SAMD5: variants seen among roughly 807,000 people sequenced by gnomAD.
The protein encoded by SAMD5 is sterile alpha motif domain containing 5, also known as sterile alpha motif domain-containing protein 5.
Under a neutral mutation model 11.3 loss-of-function variants are expected in SAMD5, and 13 were observed. The observed-to-expected ratio is 1.15, with a 90% CI of 0.75 to 1.83. SAMD5 has a LOEUF of 1.83. Ranked by LOEUF, SAMD5 falls within the 40% of genes most tolerant of loss-of-function variation. The probability of loss-of-function intolerance (pLI) is 0.00; values close to 1 mark genes in which losing one functional copy is unlikely to be tolerated. For missense variants in SAMD5, 255 were observed against 239.1 expected, an observed-to-expected ratio of 1.07 and a Z score of -0.44; for synonymous variants, 129 against 111.3, an observed-to-expected ratio of 1.16 and a Z score of -1.00.
intron 1 of SAMD5, among the ~76,000 whole-genome samples, chr6:147,651,429 C>T (rs1222962238): frequency 6.6e-6 from 1 of 152,162 alleles, no homozygotes; most frequent in African/African-American, 2.4e-5. Context: ...CTTCCAAATT[C>T]ATATGTTGAA....
chr6:147,793,167 T>C, the SAMD5 span, among the ~76,000 whole-genome samples: 1 of 152,140 alleles, frequency 6.6e-6, no homozygotes, highest in Admixed American at 6.6e-5. Context: ...CAACAAGTCA[T>C]GTTGCCAGCA....
chr6:147,739,991 TGTATTTTTA>T (rs1489458060), downstream of SAMD5, among the ~76,000 whole-genome samples: 1 of 151,714 alleles, frequency 6.6e-6, no homozygotes, highest in Non-Finnish European at 1.5e-5. Context: ...GGCCAATTTT[TGTATTTTTA>T]GTAGAGACAG....
intron 1 of SAMD5, among the ~76,000 whole-genome samples, chr6:147,545,705 T>C (rs1030517711): frequency 1.4e-4 from 21 of 152,180 alleles, no homozygotes; most frequent in African/African-American, 4.8e-4. Context: ...TATACTCAGG[T>C]GCACACAAGT....
chr6:147,609,895 C>G (rs372489717), intron 1 of SAMD5, among the ~76,000 whole-genome samples: 1 of 152,132 alleles, frequency 6.6e-6, no homozygotes, highest in East Asian at 1.9e-4. Context: ...AAATACTTGT[C>G]CTATGTAAGC....
the SAMD5 span, among the ~76,000 whole-genome samples, chr6:147,897,157 C>T: frequency 1.7e-3 from 258 of 152,162 alleles, no homozygotes; most frequent in African/African-American, 5.8e-3. Flanking sequence ...GTGAAGTTTA[C>T]GATATGTGAA....
chr6:147,858,602 A>C, the SAMD5 span, among the ~76,000 whole-genome samples: 1 of 152,344 alleles, frequency 6.6e-6, no homozygotes, highest in African/African-American at 2.4e-5. Context: ...TATAATGTAC[A>C]GTTGATGATA....
chr6:147,635,025 G>A (rs985651138), intron 1 of SAMD5, among the ~76,000 whole-genome samples: 2 of 152,240 alleles, frequency 1.3e-5, no homozygotes, highest in Non-Finnish European at 2.9e-5. Flanking sequence ...AACACAGGCA[G>A]TTTGAGTAAG....
intron 1 of SAMD5, among the ~76,000 whole-genome samples, chr6:147,516,434 C>T (rs1788171679): frequency 6.6e-6 from 1 of 152,140 alleles, no homozygotes; most frequent in Non-Finnish European, 1.5e-5. Flanking sequence ...TCACTGTTGG[C>T]TCTTCTGTGA....
intron 1 of SAMD5, among the ~76,000 whole-genome samples, chr6:147,625,630 C>T (rs1212507854): frequency 6.6e-6 from 1 of 152,188 alleles, no homozygotes; most frequent in Non-Finnish European, 1.5e-5. Flanking sequence ...GCCTTATCCC[C>T]AGTCAGCAAA....
At chr6:147,620,440 C>T (rs1314590904) in intron 1 of SAMD5, among the ~76,000 whole-genome samples, 1 of 152,178 alleles carries the variant, frequency 6.6e-6, no homozygotes, top group Non-Finnish European at 1.5e-5. Flanking sequence ...ATGCCTGTAA[C>T]CTGTATTTAT....
the SAMD5 span, among the ~76,000 whole-genome samples, chr6:147,874,946 C>G: frequency 6.6e-6 from 1 of 152,084 alleles, no homozygotes; most frequent in Non-Finnish European, 1.5e-5. Flanking sequence ...CACATGACTT[C>G]ACTCAGAGAA....
intron 1 of SAMD5, among the ~76,000 whole-genome samples, chr6:147,675,627 C>T (rs184591526): frequency 3.5e-4 from 53 of 152,118 alleles, no homozygotes; most frequent in African/African-American, 1.0e-3. Flanking sequence ...TTAATTGAAA[C>T]GTATACATGG....
At chr6:147,806,318 G>GCC in the SAMD5 span, among the ~76,000 whole-genome samples, 99 of 68,126 alleles carry the variant, frequency 1.5e-3, no homozygotes, top group African/African-American at 4.4e-3. Flanking sequence ...GCGCGCGCGC[G>GCC]CACACACACA....
At chr6:147,910,421 C>T in the SAMD5 span, among the ~76,000 whole-genome samples, 1 of 152,184 alleles carries the variant, frequency 6.6e-6, no homozygotes, top group Non-Finnish European at 1.5e-5. Flanking sequence ...CTGCTGCCAC[C>T]TGCTACTCTC....
the SAMD5 span, among the ~76,000 whole-genome samples, chr6:147,791,572 T>C: frequency 6.6e-6 from 1 of 152,178 alleles, no homozygotes; most frequent in Non-Finnish European, 1.5e-5. Flanking sequence ...CCTGAGTATT[T>C]ATGCATGCAA....
At chr6:147,805,169 T>C in the SAMD5 span, among the ~76,000 whole-genome samples, 49 of 152,234 alleles carry the variant, frequency 3.2e-4, no homozygotes, top group Middle Eastern at 3.2e-3. Flanking sequence ...GTTATATGAG[T>C]CTAACACCTT....
At chr6:147,787,258 A>G in the SAMD5 span, among the ~76,000 whole-genome samples, 4 of 152,226 alleles carry the variant, frequency 2.6e-5, no homozygotes, top group African/African-American at 9.6e-5. Context: ...AACTTGAAAT[A>G]GAATGGCTGT....
intron 1 of SAMD5, among the ~76,000 whole-genome samples, chr6:147,630,777 G>T (rs1243293376): frequency 1.3e-5 from 2 of 152,240 alleles, no homozygotes; most frequent in Middle Eastern, 3.4e-3. Flanking sequence ...CATGAAATTT[G>T]GTGCTGCCAC....
chr6:147,762,062 T>C, the SAMD5 span, among the ~76,000 whole-genome samples: 1 of 152,128 alleles, frequency 6.6e-6, no homozygotes, highest in Non-Finnish European at 1.5e-5. Context: ...GAATTTTGGA[T>C]GCCAGAAGTA....
Sources: allele counts gnomAD v4.1 joint callset (sites outside exome capture counted in the v4.1 genomes callset), GRCh38; gene constraint gnomAD v4.1.1; transcripts MANE v1.5; gene names NCBI Gene and HGNC (gene_info 2026-07-23, HGNC 2026-07-21).